PARN: variants seen among roughly 807,000 people sequenced by gnomAD.
PARN encodes poly(A)-specific ribonuclease PARN.
A neutral mutation model predicts 102.8 loss-of-function variants in PARN; 71 were observed. That is an observed-to-expected ratio of 0.69 (90% CI 0.57 to 0.84). The LOEUF is 0.84. Among genes scored for constraint, PARN ranks in the 40% least tolerant of loss-of-function variants. PARN has a pLI of 0.00. For missense variants in PARN, 782 were observed against 760.9 expected, an observed-to-expected ratio of 1.03 and a Z score of -0.33; for synonymous variants, 261 against 252.9, an observed-to-expected ratio of 1.03 and a Z score of -0.30.
At chr16:14,572,962 C>A (rs762899447) in intron 18 of PARN, among the ~76,000 whole-genome samples, 1 of 151,670 alleles carries the variant, frequency 6.6e-6, no homozygotes, top group African/African-American at 2.4e-5. Flanking sequence ...AACCATGGCT[C>A]ACTGCAGCCT....
chr16:14,442,860 C>T (rs1245118827), intron 23 of PARN, among the ~76,000 whole-genome samples: 1 of 152,224 alleles, frequency 6.6e-6, no homozygotes, highest in Non-Finnish European at 1.5e-5. Flanking sequence ...GACTAACAGG[C>T]GTGAGCCACC....
intron 22 of PARN, among the ~76,000 whole-genome samples, chr16:14,459,950 C>T (rs969115077): frequency 6.6e-6 from 1 of 152,092 alleles, no homozygotes; most frequent in Non-Finnish European, 1.5e-5. Context: ...AAAATAAACT[C>T]ATACCCATGC....
At chr16:14,456,552 C>A (rs914220893) in intron 22 of PARN, among the ~76,000 whole-genome samples, 2 of 152,018 alleles carry the variant, frequency 1.3e-5, no homozygotes, top group East Asian at 3.9e-4. Context: ...ATAACAGTAC[C>A]CTTTCATTTT....
intron 21 of PARN, among the ~76,000 whole-genome samples, chr16:14,499,548 T>C (rs974617393): frequency 3.3e-5 from 5 of 152,258 alleles, no homozygotes; most frequent in African/African-American, 9.6e-5. Context: ...AAAAGTGATA[T>C]TGACATTGTT....
chr16:14,480,226 G>A (rs1963306175), intron 22 of PARN, among the ~76,000 whole-genome samples: 1 of 152,132 alleles, frequency 6.6e-6, no homozygotes. Context: ...TACTCAGGAA[G>A]TTGAGGCACG....
At chr16:14,459,093 T>C (rs776369568) in intron 22 of PARN, among the ~76,000 whole-genome samples, 1 of 152,154 alleles carries the variant, frequency 6.6e-6, no homozygotes, top group African/African-American at 2.4e-5. Context: ...AAAGCTTTCC[T>C]CCTAAGATCA....
intron 21 of PARN, among the ~76,000 whole-genome samples, chr16:14,547,044 G>C (rs1966991495): frequency 6.7e-6 from 1 of 149,698 alleles, no homozygotes; most frequent in Non-Finnish European, 1.5e-5. Context: ...AGTGAGCCAA[G>C]ATCGCACAAC....
At chr16:14,436,795 T>C (rs1389244857) in intron 23 of PARN, 23 bp from the exon 24 acceptor site, 2 of 1,554,394 alleles carry the variant, frequency 1.3e-6, no homozygotes, top group Admixed American at 1.9e-5. Flanking sequence ...AACAAAACAA[T>C]ATGAACAGCA....
intron 21 of PARN, among the ~76,000 whole-genome samples, chr16:14,499,000 G>A (rs1964454398): frequency 6.6e-6 from 1 of 152,200 alleles, no homozygotes; most frequent in South Asian, 2.1e-4. Flanking sequence ...AGTAAGAATT[G>A]TTTTGATTTT....
intron 21 of PARN, among the ~76,000 whole-genome samples, chr16:14,501,201 G>T (rs941647782): frequency 2.7e-5 from 4 of 149,656 alleles, no homozygotes; most frequent in African/African-American, 9.8e-5. Flanking sequence ...AACACTTTTG[G>T]ATTATTTGAG....
At chr16:14,497,475 T>TA in intron 21 of PARN, among the ~76,000 whole-genome samples, 1 of 152,176 alleles carries the variant, frequency 6.6e-6, no homozygotes. Context: ...AATATATACC[T>TA]AATAGGCACA....
Position 14,551,582 on chromosome 16 carries a change from CAAT to C in PARN, c.1480+436_1480+438del, listed in dbSNP as rs766260899. On this transcript the variant is annotated intron_variant, in intron 21 of 23. Transcript: ENST00000437198. ...AGACTATGTCTCAAAACAACAACAA[CAAT>C]GACAACAACAAAAACAACAAGTATT... 1.5e-3 allele frequency among the ~76,000 whole-genome samples: 225 copies of C among 152,146 alleles called. 1 individual carries two copies. Among genetic ancestry groups the C allele is most frequent in the Non-Finnish European group, 2.4e-3 (161 of 68,006 alleles).
chr16:14,609,909 A>G (rs989581027), intron 7 of PARN, among the ~76,000 whole-genome samples: 8 of 152,324 alleles, frequency 5.3e-5, no homozygotes, highest in African/African-American at 1.9e-4. Context: ...TCAGCTGATT[A>G]GCATTTAAAA....
At chr16:14,611,163 C>T (rs553405411) in intron 6 of PARN, among the ~76,000 whole-genome samples, 7 of 152,220 alleles carry the variant, frequency 4.6e-5, no homozygotes, top group Admixed American at 1.3e-4. Flanking sequence ...AAGTCGGATA[C>T]GAAAGGAGCT....
At chr16:14,570,907 C>T (rs1968768619) in intron 18 of PARN, among the ~76,000 whole-genome samples, 1 of 151,774 alleles carries the variant, frequency 6.6e-6, no homozygotes, top group African/African-American at 2.4e-5. Flanking sequence ...ATCATTTATG[C>T]CCAGAAGGTT....
At chr16:14,623,028 G>A (rs1395581445) in intron 5 of PARN, among the ~76,000 whole-genome samples, 1 of 151,192 alleles carries the variant, frequency 6.6e-6, no homozygotes, top group African/African-American at 2.4e-5. Context: ...CACTTGAGCT[G>A]GTGAGGTCAA....
chr16:14,629,687 C>G lies in PARN; in HGVS notation c.20-13G>C. 6 of 1,595,244 alleles carry G rather than the reference C, an allele frequency of 3.8e-6. No individual in the cohort carries two copies. The highest frequency in any genetic ancestry group is 5.2e-6 in the Non-Finnish European group (6 of 1,162,722). ...TTACTCTTAAAATCTGCGGAGAAAC[C>G]GAAAAGAGGCTCAGAACCAGTGGCC... is the stretch of plus-strand genomic sequence containing the variant. On this transcript the variant is annotated splice_polypyrimidine_tract_variant and intron_variant, in intron 1 of 23. Coordinates refer to ENST00000437198, the MANE Select transcript of PARN (RefSeq NM_002582.4).
At chr16:14,490,083 G>A (rs569439715) in intron 21 of PARN, among the ~76,000 whole-genome samples, 7 of 152,180 alleles carry the variant, frequency 4.6e-5, no homozygotes, top group African/African-American at 9.7e-5. Context: ...GTTTGAGCCC[G>A]GGATGTGGAG....
intron 21 of PARN, among the ~76,000 whole-genome samples, chr16:14,487,056 C>T (rs991307652): frequency 3.3e-5 from 5 of 152,250 alleles, no homozygotes; most frequent in Non-Finnish European, 5.9e-5. Context: ...CCAGTCTGAT[C>T]CCAACCGGCC....
Sources: gnomAD v4.1 joint callset for allele counts (sites outside exome capture counted in the v4.1 genomes callset) on GRCh38, gnomAD v4.1.1 for gene constraint, MANE v1.5 for transcripts, NCBI Gene and HGNC (gene_info 2026-07-23, HGNC 2026-07-21) for gene names.